Variants in LINGO2 observed in about 807,000 individuals in gnomAD.
LINGO2 encodes the protein leucine rich repeat and Ig domain containing 2.
A neutral mutation model predicts 30.6 loss-of-function variants in LINGO2; 14 were observed. That is an observed-to-expected ratio of 0.46 (90% CI 0.30 to 0.72). The LOEUF (loss-of-function observed/expected upper bound fraction) is 0.72. Among genes scored for constraint, LINGO2 ranks in the 30% least tolerant of loss-of-function variants. LINGO2 has a pLI of 0.07. For missense variants in LINGO2, 729 were observed against 751.7 expected (o/e 0.97, Z 0.35); for synonymous variants, 317 against 288.5 (o/e 1.10, Z -1.00).
At chr9:28,747,589 G>T in the LINGO2 span, among the ~76,000 whole-genome samples, 3 of 152,062 alleles carry the variant, frequency 2.0e-5, no homozygotes, top group Non-Finnish European at 4.4e-5. Context: ...GGAGCTCAAA[G>T]TGCGTGCCCT....
At chr9:28,453,768 GC>G (rs1275319589) in intron 2 of LINGO2, among the ~76,000 whole-genome samples, 201 of 151,874 alleles carry the variant, frequency 1.3e-3, no homozygotes, top group Admixed American at 2.8e-3. Flanking sequence ...CTCCTCCTTG[GC>G]AACCACCTTC....
chr9:28,325,820 A>T (rs1342150647), intron 3 of LINGO2, among the ~76,000 whole-genome samples: 1 of 151,894 alleles, frequency 6.6e-6, no homozygotes, highest in Non-Finnish European at 1.5e-5. Flanking sequence ...CATTGATTAA[A>T]CTCTGGCCTA....
intron 1 of LINGO2, among the ~76,000 whole-genome samples, chr9:28,529,708 G>A (rs2135424765): frequency 6.6e-6 from 1 of 151,630 alleles, no homozygotes; most frequent in South Asian, 2.1e-4. Flanking sequence ...GATCGGGTAG[G>A]TTGGAAAAGT....
the LINGO2 span, among the ~76,000 whole-genome samples, chr9:29,065,872 AT>A: frequency 1.3e-5 from 2 of 151,858 alleles, no homozygotes; most frequent in African/African-American, 4.8e-5. Flanking sequence ...GATATTAAAT[AT>A]TTCCTTCCAC....
At chr9:28,928,989 A>C in the LINGO2 span, among the ~76,000 whole-genome samples, 1 of 152,330 alleles carries the variant, frequency 6.6e-6, no homozygotes, top group East Asian at 1.9e-4. Flanking sequence ...GAAAATGTTC[A>C]TGAAATAACT....
chr9:28,877,859 C>T, the LINGO2 span, among the ~76,000 whole-genome samples: 6 of 152,186 alleles, frequency 3.9e-5, no homozygotes, highest in Admixed American at 1.3e-4. Flanking sequence ...GCCATTTTCA[C>T]GATATTGATT....
intron 4 of LINGO2, among the ~76,000 whole-genome samples, chr9:28,042,512 A>G (rs1019685668): frequency 2.0e-5 from 3 of 152,214 alleles, no homozygotes; most frequent in Non-Finnish European, 4.4e-5. Context: ...AAGCTATAGA[A>G]GAGGAAGTGT....
the LINGO2 span, among the ~76,000 whole-genome samples, chr9:28,989,276 G>C: frequency 2.0e-5 from 3 of 152,176 alleles, no homozygotes; most frequent in East Asian, 1.9e-4. Context: ...ATTGGCTTCA[G>C]CTGTGTCAAT....
At chr9:28,941,614 T>C in the LINGO2 span, among the ~76,000 whole-genome samples, 2 of 152,178 alleles carry the variant, frequency 1.3e-5, no homozygotes, top group Admixed American at 6.6e-5. Flanking sequence ...CACTCACTTA[T>C]TCATGCATTT....
At chr9:29,170,436 G>A in the LINGO2 span, among the ~76,000 whole-genome samples, 11 of 152,124 alleles carry the variant, frequency 7.2e-5, no homozygotes, top group South Asian at 2.3e-3. Flanking sequence ...ACAGACATAG[G>A]AGACTATAAA....
At position 28,056,430 on chromosome 9, in the gene LINGO2, T is replaced by C. The variant is rs1022902631; in HGVS notation, c.-86-44025A>G. Among the ~76,000 whole-genome samples, 3 of 152,266 alleles carry C rather than the reference T, an allele frequency of 2.0e-5. No homozygotes were observed. The East Asian group carries it at 5.8e-4, about 29-fold the overall frequency. Reference sequence around the variant, plus strand: ...CATCAGTTAAATATTGTTTTTGTCCTGTCTCAGCACTCTTTCCATGGGAAA... The same window carrying C: ...CATCAGTTAAATATTGTTTTTGTCCCGTCTCAGCACTCTTTCCATGGGAAA... On this transcript the variant is annotated intron_variant, in intron 4 of 5. Transcript: ENST00000379992.
the LINGO2 span, among the ~76,000 whole-genome samples, chr9:28,738,417 C>T: frequency 6.6e-6 from 1 of 152,076 alleles, no homozygotes; most frequent in Non-Finnish European, 1.5e-5. Flanking sequence ...CATAACTGAA[C>T]TTAGATGTTC....
chr9:29,047,473 T>C, the LINGO2 span, among the ~76,000 whole-genome samples: 2 of 152,028 alleles, frequency 1.3e-5, no homozygotes, highest in African/African-American at 4.8e-5. Flanking sequence ...TGTGAAAAGC[T>C]CTCAACATAA....
intron 4 of LINGO2, among the ~76,000 whole-genome samples, chr9:28,198,004 C>T (rs1254851473): frequency 1.3e-5 from 2 of 151,034 alleles, no homozygotes; most frequent in Non-Finnish European, 1.5e-5. Flanking sequence ...TGTGTAAACA[C>T]ATTACATAAA....
intron 5 of LINGO2, among the ~76,000 whole-genome samples, chr9:27,975,458 A>C (rs1026893325): frequency 6.6e-6 from 1 of 151,976 alleles, no homozygotes; most frequent in Non-Finnish European, 1.5e-5. Flanking sequence ...TGATGTAAAT[A>C]TTTTCTATCA....
At chr9:28,059,824 T>C (rs1489185800) in intron 4 of LINGO2, among the ~76,000 whole-genome samples, 5 of 152,100 alleles carry the variant, frequency 3.3e-5, no homozygotes, top group Admixed American at 2.0e-4. Flanking sequence ...GGATACTGGA[T>C]TGACGCTTCT....
intron 2 of LINGO2, among the ~76,000 whole-genome samples, chr9:28,465,586 C>T (rs2095015): frequency 0.016 from 2,416 of 152,192 alleles, 29 homozygotes; most frequent in Non-Finnish European, 0.024. Flanking sequence ...CCTCTTTTAC[C>T]CAATATTTCC....
chr9:29,023,867 A>C, the LINGO2 span, among the ~76,000 whole-genome samples: 2 of 152,132 alleles, frequency 1.3e-5, no homozygotes, highest in South Asian at 4.1e-4. Context: ...AATATTAAGA[A>C]AGCTGCTTGG....
intron 1 of LINGO2, among the ~76,000 whole-genome samples, chr9:28,521,907 C>T (rs1268103288): frequency 6.6e-6 from 1 of 152,096 alleles, no homozygotes; most frequent in Non-Finnish European, 1.5e-5. Flanking sequence ...GGGCACAAGC[C>T]AAGGAAAGCC....
Sources: allele counts gnomAD v4.1 joint callset (sites outside exome capture counted in the v4.1 genomes callset), GRCh38; gene constraint gnomAD v4.1.1; transcripts MANE v1.5; gene names NCBI Gene and HGNC (gene_info 2026-07-23, HGNC 2026-07-21).